The following USP44 variants were observed in gnomAD, a reference collection of about 807,000 sequenced individuals.
USP44 encodes ubiquitin specific peptidase 44.
Under a neutral mutation model 69.0 loss-of-function variants are expected in USP44, and 61 were observed. The ratio of observed to expected loss-of-function variants is 0.88; its 90% confidence interval spans 0.72 to 1.09. The LOEUF is 1.09. USP44 is among the 50% of genes least tolerant of loss of function. The pLI is 0.00. For missense variants in USP44, 753 were observed against 849.9 expected (o/e 0.89, Z 1.42); for synonymous variants, 297 against 295.4 (o/e 1.01, Z -0.06).
intron 1 of USP44, among the ~76,000 whole-genome samples, chr12:95,550,783 A>G (rs2077711192): frequency 6.6e-6 from 1 of 152,124 alleles, no homozygotes; most frequent in African/African-American, 2.4e-5. Flanking sequence ...AGAAAAAGTG[A>G]AATGGGAAGA....
chr12:95,544,648 T>C (rs1409806361), intron 1 of USP44, among the ~76,000 whole-genome samples: 1 of 152,186 alleles, frequency 6.6e-6, no homozygotes, highest in Non-Finnish European at 1.5e-5. Flanking sequence ...ATTAAATTAC[T>C]ATTTAATAAA....
intron 5 of USP44, among the ~76,000 whole-genome samples, chr12:95,519,789 C>T (rs912559206): frequency 6.6e-5 from 10 of 150,544 alleles, no homozygotes; most frequent in African/African-American, 1.5e-4. Flanking sequence ...CCTGTAAACC[C>T]GGCACTTTGG....
At position 95,524,759 on chromosome 12, in the gene USP44, C is replaced by T. The variant is rs1407706362; in HGVS notation, c.1654G>A (p.Val552Ile). 3 of 1,611,864 alleles carry T rather than the reference C, an allele frequency of 1.9e-6. No individual in the cohort carries two copies. Among genetic ancestry groups the T allele is most frequent in the Non-Finnish European group, 2.5e-6 (3 of 1,179,366 alleles). Residue 552 changes from valine to isoleucine, a missense_variant, in exon 4 of 6, where the codon GTT (valine) becomes ATT (isoleucine). By Grantham distance (29) the Val-to-Ile change is conservative. Transcript: ENST00000258499. ...SKRRRFSSKP[V>I]VLTEAQKQLM... is the part of the protein sequence containing the mutation. ...TGTTTCTGGGCTTCTGTGAGTACAA[C>T]TGGTTTGGAGGAAAACCTTCTACGC...
At chr12:95,537,641 C>T (rs1031795518) in intron 1 of USP44, among the ~76,000 whole-genome samples, 2 of 152,082 alleles carry the variant, frequency 1.3e-5, no homozygotes, top group East Asian at 1.9e-4. Flanking sequence ...GTTCAACATC[C>T]TTGCAGAGGT....
intron 1 of USP44, among the ~76,000 whole-genome samples, chr12:95,537,594 G>T (rs894786917): frequency 6.6e-6 from 1 of 152,182 alleles, no homozygotes; most frequent in African/African-American, 2.4e-5. Context: ...TGGGATTACA[G>T]TCATGAGCCA....
rs183906903 is a variant in USP44, at chr12:95,550,816, G to A, written c.-71+456C>T. ...AGAAAAGCAAAGGCAAGCTGTGTAA[G>A]GCATAGGTGGAGAGTGCTGAATAGT... On this transcript the variant is annotated intron_variant, in intron 1 of 5. Transcript: ENST00000258499. Among the ~76,000 whole-genome samples, 10 of 152,162 alleles carry A rather than the reference G, an allele frequency of 6.6e-5. No homozygotes were observed. In the East Asian group the frequency reaches 1.5e-3, roughly 23 times the overall value.
chr12:95,541,699 T>C (rs1321322730), intron 1 of USP44, among the ~76,000 whole-genome samples: 1 of 152,190 alleles, frequency 6.6e-6, no homozygotes. Flanking sequence ...TTTGTCAGTC[T>C]TGCTTTCAAA....
Position 95,521,076 on chromosome 12 carries a change from G to C in USP44, c.1860C>G (p.Asp620Glu), listed in dbSNP as rs1175699957. ...KSLRPECFIY[D>E]LSAVVMHHGK... ...CATGGTGCATCACCACCGCGGACAAGTCATAGATAAAGCATTCTGGTCTGA... is the reference window on the plus strand; with the variant it reads ...CATGGTGCATCACCACCGCGGACAACTCATAGATAAAGCATTCTGGTCTGA... The change falls in exon 5 of 6, where the codon GAC (aspartate) becomes GAG (glutamate). Residue 620 changes from aspartate (D) to glutamate (E), a missense_variant. Asp to Glu is a conservative substitution (Grantham distance 45). Coordinates refer to ENST00000258499, the MANE Select transcript of USP44 (RefSeq NM_032147.5). 6.2e-7 allele frequency: 1 copy of C among 1,614,188 alleles called. No individual in the cohort carries two copies. The highest frequency in any genetic ancestry group is 8.5e-7 in the Non-Finnish European group (1 of 1,180,042).
intron 3 of USP44, among the ~76,000 whole-genome samples, chr12:95,526,325 C>T (rs1039797662): frequency 2.6e-5 from 4 of 152,214 alleles, no homozygotes; most frequent in South Asian, 4.1e-4. Context: ...GTAATCCCAG[C>T]GCTTTGGAAG....
intron 4 of USP44, among the ~76,000 whole-genome samples, chr12:95,523,355 G>A (rs1173317870): frequency 2.0e-5 from 3 of 152,140 alleles, no homozygotes; most frequent in Non-Finnish European, 2.9e-5. Context: ...GTGGGACTGA[G>A]CTCTCCATCT....
At position 95,533,099 on chromosome 12, in the gene USP44, A is replaced by C. The variant is rs745697211; in HGVS notation, c.1158T>G (p.His386Gln). The C allele has an allele frequency of 6.2e-7, 1 of 1,614,248 alleles. No individual in the cohort carries two copies. Among genetic ancestry groups the C allele is most frequent in the Admixed American group, 1.7e-5 (1 of 60,030 alleles). The change falls in exon 2 of 6, where the codon CAT (histidine) becomes CAG (glutamine). Residue 386 changes from histidine (H) to glutamine (Q), a missense_variant. By Grantham distance (24) the His-to-Gln change is conservative (BLOSUM62 0). Coordinates refer to ENST00000258499, the MANE Select transcript of USP44 (RefSeq NM_032147.5). ...CAGACCACATGACTTGGAACAAAGT[A>C]TGCAATTCATGACAAAGAGAAATGT... ...SQYISLCHELHTLFQVMWSGK... is the reference protein window; with the variant it reads ...SQYISLCHELQTLFQVMWSGK...
intron 2 of USP44, among the ~76,000 whole-genome samples, chr12:95,530,466 T>A (rs1229311316): frequency 3.3e-5 from 5 of 151,138 alleles, no homozygotes; most frequent in Non-Finnish European, 5.9e-5. Context: ...ATAAAAAAAA[T>A]AAAAAATAGA....
chr12:95,526,244 C>T (rs1000907353), intron 3 of USP44, among the ~76,000 whole-genome samples: 1 of 152,166 alleles, frequency 6.6e-6, no homozygotes, highest in Non-Finnish European at 1.5e-5. Flanking sequence ...AATAATACTT[C>T]ATCATAACAA....
In USP44 at chr12:95,532,854, A is replaced by G. The variant is rs745930810; in HGVS notation, c.1403T>C (p.Ile468Thr). ...CTGACTAAGAAGTTGTCCATGAAAA[A>G]TGTTATTTACAACATTCAGAACTTG... Reference protein sequence around the residue: ...IKQVLNVVNNIFHGQLLSQVT... With the variant: ...IKQVLNVVNNTFHGQLLSQVT... The change falls in exon 2 of 6, where the codon ATT becomes ACT. Residue 468 changes from isoleucine (I) to threonine (T), a missense_variant. Coordinates refer to ENST00000258499, the MANE Select transcript of USP44 (RefSeq NM_032147.5). 1 of 1,586,984 alleles carries G rather than the reference A, an allele frequency of 6.3e-7. No homozygotes were observed. The highest frequency in any genetic ancestry group is 1.2e-5 in the South Asian group (1 of 86,178).
At chr12:95,550,176 C>T (rs7967123) in intron 1 of USP44, among the ~76,000 whole-genome samples, 9,895 of 126,624 alleles carry the variant, frequency 0.078, 859 homozygotes, top group East Asian at 0.36. Context: ...AGCGAAACTC[C>T]GTCTCAGAAA....
chr12:95,546,012 T>C (rs1036884648), intron 1 of USP44, among the ~76,000 whole-genome samples: 7 of 152,198 alleles, frequency 4.6e-5, no homozygotes, highest in Admixed American at 4.6e-4. Context: ...AGAGATTGAA[T>C]CTAGTTGAAC....
At chr12:95,549,462 G>C (rs549205812) in intron 1 of USP44, among the ~76,000 whole-genome samples, 1 of 152,128 alleles carries the variant, frequency 6.6e-6, no homozygotes. Flanking sequence ...TGGAAAACAG[G>C]AAAGTCAAGG....
chr12:95,527,867 G>A (rs1473590951), intron 3 of USP44, among the ~76,000 whole-genome samples: 2 of 122,696 alleles, frequency 1.6e-5, no homozygotes, highest in Non-Finnish European at 3.3e-5. Context: ...TTGAGACAGA[G>A]TTTCACTCTT....
intron 4 of USP44, among the ~76,000 whole-genome samples, chr12:95,522,703 G>A (rs150599089): frequency 2.9e-3 from 440 of 150,932 alleles, no homozygotes; most frequent in South Asian, 0.014. Flanking sequence ...GCTTGAACCC[G>A]GGACGCAGAG....
Sources: gnomAD v4.1 joint callset for allele counts (sites outside exome capture counted in the v4.1 genomes callset) on GRCh38, gnomAD v4.1.1 for gene constraint, MANE v1.5 for transcripts, NCBI Gene and HGNC (gene_info 2026-07-23, HGNC 2026-07-21) for gene names.